Variants in EML4 observed in about 807,000 individuals in gnomAD.
EML4 encodes the protein echinoderm microtubule-associated protein-like 4.
A neutral mutation model predicts 129.0 loss-of-function variants in EML4; 72 were observed. The ratio of observed to expected loss-of-function variants is 0.56; its 90% CI spans 0.46 to 0.68. The LOEUF is 0.68. Among genes scored for constraint, EML4 ranks in the 30% least tolerant of loss-of-function variants. The pLI is 0.00. For missense variants in EML4, 1,363 were observed against 1,190.6 expected (o/e 1.14, Z -2.13); for synonymous variants, 532 against 405.0 (o/e 1.31, Z -3.77).
chr2:42,209,376 G>T (rs1252435497), intron 1 of EML4, among the ~76,000 whole-genome samples: 1 of 151,900 alleles, frequency 6.6e-6, no homozygotes, highest in Admixed American at 6.6e-5. Context: ...GGCTTTTTCA[G>T]TTTCTAAAAC....
intron 16 of EML4, 22 bp from the exon 17 acceptor site, chr2:42,304,462 C>G (rs776775616): frequency 2.5e-6 from 4 of 1,609,132 alleles, no homozygotes; most frequent in Admixed American, 3.3e-5. Flanking sequence ...TACTCCCCAA[C>G]AGCTGTCTGT....
At chr2:42,232,842 A>AGAG (rs1674430516) in intron 1 of EML4, among the ~76,000 whole-genome samples, 1 of 152,082 alleles carries the variant, frequency 6.6e-6, no homozygotes, top group South Asian at 2.1e-4. Flanking sequence ...CTCCTGCCTC[A>AGAG]GCCTCCCTAG....
intron 10 of EML4, among the ~76,000 whole-genome samples, chr2:42,287,740 T>C (rs1042155907): frequency 1.3e-5 from 2 of 152,218 alleles, no homozygotes; most frequent in African/African-American, 4.8e-5. Context: ...CAAGTTAATG[T>C]AAGTCAGGTA....
intron 5 of EML4, among the ~76,000 whole-genome samples, chr2:42,264,320 G>C (rs1239616625): frequency 6.6e-6 from 1 of 151,752 alleles, no homozygotes; most frequent in East Asian, 1.9e-4. Flanking sequence ...GTTTTGCCAT[G>C]TTGCCCAGGC....
At chr2:42,201,766 G>A (rs1423844552) in intron 1 of EML4, among the ~76,000 whole-genome samples, 1 of 152,104 alleles carries the variant, frequency 6.6e-6, no homozygotes, top group African/African-American at 2.4e-5. Flanking sequence ...TCACTTATAT[G>A]TGGAAACTGA....
intron 10 of EML4, among the ~76,000 whole-genome samples, chr2:42,286,889 G>C (rs968054010): frequency 6.6e-6 from 1 of 152,122 alleles, no homozygotes; most frequent in Admixed American, 6.6e-5. Context: ...GACAACATGG[G>C]TTTAAAATTT....
rs911507864 is a variant in EML4 at position 42,331,091 on chromosome 2, C to T, written c.*884C>T. The stretch of plus-strand genomic sequence containing the variant: ...ATTACCTGGCTAATTTCAGCTAAGC[C>T]TTCATCATAATTTGTTCCCTCAGTA... On this transcript the variant is annotated 3_prime_UTR_variant, in exon 23 of 23. Coordinates refer to ENST00000318522, the MANE Select transcript of EML4 (RefSeq NM_019063.5). 2 of 218,086 alleles carry T rather than the reference C, an allele frequency of 9.2e-6. No individual in the cohort carries two copies. Among genetic ancestry groups the T allele is most frequent in the African/African-American group, 4.5e-5 (2 of 44,474 alleles). The allele number at this position is 218,086 out of a possible 1,614,324, so 13.5% of individuals were successfully genotyped here.
chr2:42,187,057 TG>T (rs1196914944), intron 1 of EML4, among the ~76,000 whole-genome samples: 2 of 23,266 alleles, frequency 8.6e-5, no homozygotes, highest in Admixed American at 5.3e-4. Flanking sequence ...AGCGGGGGGG[TG>T]GGGGGGACAG....
intron 1 of EML4, 169 bp downstream of exon 1, chr2:42,169,805 G>GC (rs992645376): frequency 4.6e-6 from 3 of 651,874 alleles, no homozygotes; most frequent in African/African-American, 3.8e-5. Flanking sequence ...TGGACTGAGG[G>GC]CCCCTCCCCC....
At chr2:42,279,632 T>A (rs1163158930) in intron 6 of EML4, among the ~76,000 whole-genome samples, 2 of 151,868 alleles carry the variant, frequency 1.3e-5, no homozygotes, top group African/African-American at 2.4e-5. Flanking sequence ...TAATTTTTTT[T>A]ATTTTTTATT....
At chr2:42,306,904 G>A (rs148665978) in intron 17 of EML4, among the ~76,000 whole-genome samples, 2 of 152,254 alleles carry the variant, frequency 1.3e-5, no homozygotes, top group African/African-American at 4.8e-5. Context: ...TCTGTTACCT[G>A]TGATTGAGCT....
intron 1 of EML4, among the ~76,000 whole-genome samples, chr2:42,227,159 G>C (rs1674019772): frequency 6.6e-6 from 1 of 151,952 alleles, no homozygotes; most frequent in African/African-American, 2.4e-5. Flanking sequence ...TGCCCAGCTG[G>C]AGTGCAGTGG....
chr2:42,231,033 C>T (rs780451249), intron 1 of EML4, among the ~76,000 whole-genome samples: 6 of 152,154 alleles, frequency 3.9e-5, no homozygotes, highest in Non-Finnish European at 8.8e-5. Flanking sequence ...CTCTTCACCC[C>T]CGTCTGGTTA....
chr2:42,299,849 C>T (rs918968480), intron 13 of EML4, among the ~76,000 whole-genome samples: 6 of 152,250 alleles, frequency 3.9e-5, no homozygotes, highest in East Asian at 1.9e-4. Flanking sequence ...CCATCATGCC[C>T]GGCTAATTTT....
intron 1 of EML4, among the ~76,000 whole-genome samples, chr2:42,189,245 TGATTTATAAGA>T (rs2103889305): frequency 6.6e-6 from 1 of 152,328 alleles, no homozygotes; most frequent in East Asian, 1.9e-4. Context: ...ATGAAGTGCC[TGATTTATAAGA>T]GAGTCTTGCT....
chr2:42,198,504 A>C (rs78073129), intron 1 of EML4, among the ~76,000 whole-genome samples: 1,955 of 152,294 alleles, frequency 0.013, 40 homozygotes, highest in African/African-American at 0.045. Context: ...CAGGAGTTCA[A>C]GCCTGGTCTT....
chr2:42,248,687 A>AT (rs977224552), intron 2 of EML4, among the ~76,000 whole-genome samples: 28 of 151,798 alleles, frequency 1.8e-4, no homozygotes, highest in African/African-American at 6.3e-4. Context: ...CTAATTAGAG[A>AT]TTTTTTTTCC....
At chr2:42,308,778 C>T (rs962531490) in intron 17 of EML4, among the ~76,000 whole-genome samples, 5 of 152,076 alleles carry the variant, frequency 3.3e-5, no homozygotes, top group Non-Finnish European at 7.4e-5. Context: ...GGCAACTGAC[C>T]CACTTTCTGT....
At chr2:42,229,993 C>T (rs746634088) in intron 1 of EML4, among the ~76,000 whole-genome samples, 4 of 152,060 alleles carry the variant, frequency 2.6e-5, no homozygotes, top group African/African-American at 9.7e-5. Flanking sequence ...AGATACCGAT[C>T]TTTTCTATCA....
Sources: allele counts gnomAD v4.1 joint callset (sites outside exome capture counted in the v4.1 genomes callset), GRCh38; gene constraint gnomAD v4.1.1; transcripts MANE v1.5; gene names NCBI Gene and HGNC (gene_info 2026-07-23, HGNC 2026-07-21).